Variants in NCAM2 observed in about 807,000 individuals in gnomAD.
The protein encoded by NCAM2 is neural cell adhesion molecule 2.
Under a neutral mutation model 98.1 loss-of-function variants are expected in NCAM2, and 30 were observed. That is an observed-to-expected ratio of 0.31 (90% CI 0.23 to 0.41). NCAM2 has a LOEUF of 0.41. NCAM2 is among the 10% of genes least tolerant of loss of function. NCAM2 has a pLI of 1.00. For missense variants in NCAM2, 867 were observed against 1,005.8 expected, an observed-to-expected ratio of 0.86 and a Z score of 1.87; for synonymous variants, 368 against 342.4, an observed-to-expected ratio of 1.07 and a Z score of -0.83.
intron 16 of NCAM2, among the ~76,000 whole-genome samples, chr21:21,518,660 T>C (rs1988845345): frequency 6.6e-6 from 1 of 151,508 alleles, no homozygotes; most frequent in Admixed American, 6.6e-5. Flanking sequence ...TGCTATTATA[T>C]ATAAAGGTAT....
At chr21:21,398,749 A>G (rs1370837972) in intron 9 of NCAM2, among the ~76,000 whole-genome samples, 1 of 152,242 alleles carries the variant, frequency 6.6e-6, no homozygotes, top group Non-Finnish European at 1.5e-5. Flanking sequence ...AAGAGAGCTC[A>G]TACTAAATAT....
At chr21:21,044,403 A>G (rs1006160752) in intron 1 of NCAM2, among the ~76,000 whole-genome samples, 1 of 152,184 alleles carries the variant, frequency 6.6e-6, no homozygotes, top group African/African-American at 2.4e-5. Context: ...AGGGTTTTTA[A>G]TAAATGGTTC....
rs1379997881 is a variant in NCAM2 at position 21,540,384 on chromosome 21, T to C, written c.*2427T>C. ...AATCTGAAGCTAATTATATTCAGAC[T>C]ATTTCAAGTGCACTGTTTCAGTTGC... On this transcript the variant is annotated 3_prime_UTR_variant, in exon 18 of 18. Transcript: ENST00000400546. The C allele has an allele frequency of 6.6e-6, 1 of 151,804 alleles. No homozygotes were observed. Among genetic ancestry groups the C allele is most frequent in the Non-Finnish European group, 1.5e-5 (1 of 67,914 alleles). 9.4% of individuals were successfully genotyped at this position (151,804 alleles called of 1,614,324 possible). A position where few individuals can be genotyped will look rare whatever the true frequency, so the allele number is the denominator to read the frequency against.
intron 1 of NCAM2, among the ~76,000 whole-genome samples, chr21:21,122,121 G>C (rs924159435): frequency 1.3e-5 from 2 of 151,604 alleles, no homozygotes; most frequent in East Asian, 2.0e-4. Context: ...GATATCAAAG[G>C]CAGCAAATAC....
chr21:21,008,197 T>G (rs1482386227), intron 1 of NCAM2, among the ~76,000 whole-genome samples: 2 of 152,170 alleles, frequency 1.3e-5, no homozygotes, highest in African/African-American at 4.8e-5. Flanking sequence ...GATAAATCAC[T>G]TATAACTTTC....
intron 1 of NCAM2, among the ~76,000 whole-genome samples, chr21:21,029,067 T>C (rs781768478): frequency 1.3e-5 from 2 of 152,134 alleles, no homozygotes; most frequent in Non-Finnish European, 2.9e-5. Flanking sequence ...ATGAGTAACA[T>C]GTTTTAGTGT....
Position 21,225,772 on chromosome 21 carries a change from TG to T in NCAM2, c.56-54805del, listed in dbSNP as rs1445350297. 2.0e-3 allele frequency among the ~76,000 whole-genome samples: 308 copies of T among 152,220 alleles called. 3 individuals carry two copies. Among genetic ancestry groups the T allele is most frequent in the African/African-American group, 7.1e-3 (297 of 41,542 alleles). On this transcript the variant is annotated intron_variant, in intron 1 of 17. Transcript: ENST00000400546. ...ACAGCATGTAATAATATTCCAAAGT[TG>T]ATTTGGAGTGTGGCCAACACACCAA...
intron 1 of NCAM2, among the ~76,000 whole-genome samples, chr21:21,026,855 C>CT (rs752588922): frequency 0.064 from 8,112 of 126,754 alleles, 382 homozygotes; most frequent in African/African-American, 0.1. Context: ...TCTTCTTCTT[C>CT]TTTTTTTTTT....
rs192385785 is a variant in NCAM2 at position 21,013,814 on chromosome 21, G to A, written c.55+15196G>A. Reference sequence around the variant, plus strand: ...AAAAAAGAAAATAAAAAAGAAATTGGTTCATGAGGTTTAAAGAAAGAAGCC... The same window carrying A: ...AAAAAAGAAAATAAAAAAGAAATTGATTCATGAGGTTTAAAGAAAGAAGCC... On this transcript the variant is annotated intron_variant, in intron 1 of 17. Coordinates refer to ENST00000400546, the MANE Select transcript of NCAM2 (RefSeq NM_004540.5). Among the ~76,000 whole-genome samples, 60 of 151,952 alleles carry A rather than the reference G, an allele frequency of 3.9e-4. 1 individual carries two copies. The East Asian group carries it at 0.011, about 28-fold the overall frequency.
intron 9 of NCAM2, among the ~76,000 whole-genome samples, chr21:21,380,158 G>T (rs553931026): frequency 3.0e-4 from 46 of 152,142 alleles, no homozygotes; most frequent in African/African-American, 1.1e-3. Flanking sequence ...ACACCCAAGA[G>T]CAATACTTTG....
intron 1 of NCAM2, among the ~76,000 whole-genome samples, chr21:21,275,876 A>G (rs1343373807): frequency 1.3e-5 from 2 of 152,048 alleles, no homozygotes; most frequent in African/African-American, 2.4e-5. Flanking sequence ...GTATGTTTTT[A>G]TTTATAAGTA....
chr21:21,129,247 A>G (rs1209441188), intron 1 of NCAM2, among the ~76,000 whole-genome samples: 1 of 152,170 alleles, frequency 6.6e-6, no homozygotes, highest in African/African-American at 2.4e-5. Context: ...TTTACTTTTA[A>G]AAATGTATTT....
rs1305359119 is a variant in NCAM2 at position 21,288,027 on chromosome 21, T to A, written c.481+1615T>A. On this transcript the variant is annotated intron_variant, in intron 4 of 17. Coordinates refer to ENST00000400546, the MANE Select transcript of NCAM2 (RefSeq NM_004540.5). Reference sequence around the variant, plus strand: ...TCCCACAGATACCAAAATAAGCCGATGCCAAAGTCTCTTATATAAAAAGCA... The same window carrying A: ...TCCCACAGATACCAAAATAAGCCGAAGCCAAAGTCTCTTATATAAAAAGCA... Among the ~76,000 whole-genome samples the A allele has an allele frequency of 2.0e-5, 3 of 151,886 alleles. No individual in the cohort carries two copies. The Admixed American group carries it at 2.0e-4, about 10-fold the overall frequency.
chr21:21,357,431 C>CT (rs944621716), intron 8 of NCAM2, among the ~76,000 whole-genome samples: 6 of 151,952 alleles, frequency 3.9e-5, no homozygotes, highest in Non-Finnish European at 7.4e-5. Flanking sequence ...TTTGAACTTC[C>CT]TTTTTTCACC....
chr21:21,002,879 AG>A (rs1330351767), intron 1 of NCAM2, among the ~76,000 whole-genome samples: 1 of 152,138 alleles, frequency 6.6e-6, no homozygotes, highest in Non-Finnish European at 1.5e-5. Context: ...AATTAAACTG[AG>A]GATAGGCCTA....
chr21:21,442,351 A>G (rs953042451), intron 12 of NCAM2, among the ~76,000 whole-genome samples: 7 of 152,174 alleles, frequency 4.6e-5, no homozygotes, highest in Non-Finnish European at 8.8e-5. Flanking sequence ...TTAGATGCGT[A>G]GGAACATGGA....
At chr21:21,277,212 G>A (rs1298455328) in intron 1 of NCAM2, among the ~76,000 whole-genome samples, 1 of 152,054 alleles carries the variant, frequency 6.6e-6, no homozygotes, top group Non-Finnish European at 1.5e-5. Context: ...CACATGATAA[G>A]CTCTTCGTAA....
At chr21:21,405,224 G>A (rs2076715919) in intron 9 of NCAM2, among the ~76,000 whole-genome samples, 1 of 151,768 alleles carries the variant, frequency 6.6e-6, no homozygotes, top group African/African-American at 2.4e-5. Context: ...TCAGAATATT[G>A]ATTTAATAGA....
intron 1 of NCAM2, among the ~76,000 whole-genome samples, chr21:21,280,222 A>G (rs1199135759): frequency 1.3e-5 from 2 of 152,032 alleles, no homozygotes; most frequent in Non-Finnish European, 2.9e-5. Context: ...GATTTATACA[A>G]CTGTTGGGCA....
Sources: allele counts gnomAD v4.1 joint callset (sites outside exome capture counted in the v4.1 genomes callset), GRCh38; gene constraint gnomAD v4.1.1; transcripts MANE v1.5; gene names NCBI Gene and HGNC (gene_info 2026-07-23, HGNC 2026-07-21).